Variants in TAFA4 observed in about 807,000 individuals in gnomAD.
The protein encoded by TAFA4 is chemokine-like protein TAFA-4.
TAFA4 carries 20 observed loss-of-function variants against 21.1 expected under a neutral mutation model. That is an observed-to-expected ratio of 0.95 (90% confidence interval 0.67 to 1.38). The LOEUF (loss-of-function observed/expected upper bound fraction) is 1.38, where lower values mean the gene tolerates loss of function less well. TAFA4 is among the 40% of genes most tolerant of loss of function. The pLI is 0.00. For missense variants in TAFA4, 211 were observed against 180.9 expected (o/e 1.17, Z -0.95); for synonymous variants, 71 against 67.4 (o/e 1.05, Z -0.26).
At chr3:68,887,620 C>T (rs916717405) in intron 1 of TAFA4, among the ~76,000 whole-genome samples, 1 of 152,202 alleles carries the variant, frequency 6.6e-6, no homozygotes, top group Non-Finnish European at 1.5e-5. Context: ...TGAACTTCCA[C>T]AGGATCAGTA....
intron 3 of TAFA4, among the ~76,000 whole-genome samples, chr3:68,875,073 A>T (rs1006605951): frequency 7.9e-5 from 12 of 152,154 alleles, no homozygotes; most frequent in Non-Finnish European, 1.6e-4. Context: ...AAAATGAGTA[A>T]GTATTTTCAC....
At chr3:68,750,499 A>T (rs183134858) in intron 4 of TAFA4, among the ~76,000 whole-genome samples, 47 of 152,354 alleles carry the variant, frequency 3.1e-4, no homozygotes, top group African/African-American at 1.0e-3. Flanking sequence ...TCATATTGAA[A>T]TCTACCACTG....
At chr3:68,767,768 A>C (rs956776367) in intron 3 of TAFA4, among the ~76,000 whole-genome samples, 4 of 152,042 alleles carry the variant, frequency 2.6e-5, no homozygotes, top group Non-Finnish European at 5.9e-5. Flanking sequence ...GTAAGTCCTT[A>C]TATGTATACA....
intron 3 of TAFA4, among the ~76,000 whole-genome samples, chr3:68,796,802 C>A (rs2106820798): frequency 6.6e-6 from 1 of 152,150 alleles, no homozygotes. Flanking sequence ...GAATCAAACA[C>A]CCCAATTTAA....
rs188514759 is a variant in TAFA4 at position 68,739,242 on chromosome 3, C to T, written c.287-43G>A. The T allele has an allele frequency of 3.5e-3, 5,553 of 1,608,858 alleles. 40 individuals carry two copies. Among genetic ancestry groups the T allele is most frequent in the South Asian group, 0.019 (1,692 of 90,310 alleles). ...AATAATATTTGTGACACTGTTTCTT[C>T]CTCCAAAGATGGACAAAATAAAACT... On this transcript the variant is annotated intron_variant, in intron 4 of 5. Transcript: ENST00000295569.
chr3:68,831,865 G>T (rs193012854), intron 3 of TAFA4, among the ~76,000 whole-genome samples: 6 of 152,172 alleles, frequency 3.9e-5, no homozygotes, highest in Admixed American at 3.3e-4. Context: ...ATATTTCTTG[G>T]AGTCTTTGTT....
chr3:68,810,847 G>C lies in TAFA4; in HGVS notation c.131-57829C>G, dbSNP rs530402259. ...TAGTGGTTCTCCCAGCACACAGCTG[G>C]ATATCTGAGAACGGACAGACTGCAA... On this transcript the variant is annotated intron_variant, in intron 3 of 5. Coordinates refer to ENST00000295569, the MANE Select transcript of TAFA4 (RefSeq NM_182522.5). Among the ~76,000 whole-genome samples the C allele has an allele frequency of 6.2e-4, 94 of 152,306 alleles. 1 individual carries two copies. The South Asian group carries it at 7.5e-3, about 12-fold the overall frequency.
chr3:68,804,653 T>C (rs1703652547), intron 3 of TAFA4, among the ~76,000 whole-genome samples: 1 of 152,272 alleles, frequency 6.6e-6, no homozygotes, highest in Admixed American at 6.5e-5. Context: ...ATGCCTCCTA[T>C]CTACAACTAT....
intron 1 of TAFA4, among the ~76,000 whole-genome samples, chr3:68,900,542 T>C (rs1175100424): frequency 1.3e-5 from 2 of 151,988 alleles, no homozygotes; most frequent in Non-Finnish European, 2.9e-5. Context: ...AGAGAAGCAC[T>C]CTCTACTCAC....
intron 5 of TAFA4, among the ~76,000 whole-genome samples, chr3:68,734,695 G>C (rs1702208021): frequency 6.6e-6 from 1 of 152,080 alleles, no homozygotes; most frequent in Non-Finnish European, 1.5e-5. Context: ...GTCTCCCTTT[G>C]CCTTAGTTTC....
chr3:68,741,057 T>C (rs1441891140), intron 4 of TAFA4, among the ~76,000 whole-genome samples: 3 of 152,234 alleles, frequency 2.0e-5, no homozygotes, highest in African/African-American at 7.2e-5. Flanking sequence ...TATAGCTTTG[T>C]AATATAATTG....
chr3:68,857,783 AG>A (rs1705102949), intron 3 of TAFA4, among the ~76,000 whole-genome samples: 1 of 151,796 alleles, frequency 6.6e-6, no homozygotes, highest in South Asian at 2.1e-4. Flanking sequence ...AGCACTCAAT[AG>A]CTTTGGAAAC....
chr3:68,895,424 C>T (rs1391816320), intron 1 of TAFA4, among the ~76,000 whole-genome samples: 3 of 152,192 alleles, frequency 2.0e-5, no homozygotes, highest in African/African-American at 7.2e-5. Flanking sequence ...TGTGAGCCAC[C>T]GTGCCCAGCT....
At chr3:68,783,216 C>CAA (rs142259992) in intron 3 of TAFA4, among the ~76,000 whole-genome samples, 2,703 of 152,282 alleles carry the variant, frequency 0.018, 67 homozygotes, top group African/African-American at 0.062. Flanking sequence ...AGACTGGGAA[C>CAA]AAAGCAGGAA....
chr3:68,886,410 A>G (rs915768174), intron 1 of TAFA4, among the ~76,000 whole-genome samples: 3 of 152,198 alleles, frequency 2.0e-5, no homozygotes, highest in Non-Finnish European at 4.4e-5. Context: ...CTCCAACTTT[A>G]TTAAGTGTGT....
At chr3:68,877,882 A>G (rs2089570431) in intron 3 of TAFA4, among the ~76,000 whole-genome samples, 1 of 152,174 alleles carries the variant, frequency 6.6e-6, no homozygotes. Context: ...AATGTTTACT[A>G]TGTGCTAATC....
At chr3:68,776,611 T>G (rs1703054304) in intron 3 of TAFA4, among the ~76,000 whole-genome samples, 1 of 152,172 alleles carries the variant, frequency 6.6e-6, no homozygotes, top group Non-Finnish European at 1.5e-5. Flanking sequence ...CTAGACAATA[T>G]TAACACCACC....
At chr3:68,787,225 GA>G (rs1703277601) in intron 3 of TAFA4, among the ~76,000 whole-genome samples, 1 of 152,086 alleles carries the variant, frequency 6.6e-6, no homozygotes, top group Admixed American at 6.5e-5. Flanking sequence ...AGGGGAAACA[GA>G]AAAACAACCA....
chr3:68,880,015 C>G (rs1379261500), intron 3 of TAFA4, among the ~76,000 whole-genome samples: 1 of 151,872 alleles, frequency 6.6e-6, no homozygotes, highest in Non-Finnish European at 1.5e-5. Context: ...GGAGTTTCCA[C>G]TGTGTCACTT....
Sources: gnomAD v4.1 joint callset for allele counts (sites outside exome capture counted in the v4.1 genomes callset) on GRCh38, gnomAD v4.1.1 for gene constraint, MANE v1.5 for transcripts, NCBI Gene and HGNC (gene_info 2026-07-23, HGNC 2026-07-21) for gene names.